UTS2: variants seen among roughly 807,000 people sequenced by gnomAD.
UTS2 encodes urotensin-2.
Under a neutral mutation model 12.6 loss-of-function variants are expected in UTS2, and 10 were observed. The ratio of observed to expected loss-of-function variants is 0.80; its 90% CI spans 0.49 to 1.35. The LOEUF (loss-of-function observed/expected upper bound fraction) is 1.35, where lower values mean the gene tolerates loss of function less well. Ranked by LOEUF, UTS2 falls within the 40% of genes most tolerant of loss-of-function variation. The pLI, the probability that UTS2 is intolerant of heterozygous loss-of-function variation, is 0.00. For missense variants in UTS2, 142 were observed against 143.2 expected, an observed-to-expected ratio of 0.99 and a Z score of 0.04; for synonymous variants, 52 against 50.0, an observed-to-expected ratio of 1.04 and a Z score of -0.17.
chr1:7,912,882 C>T, the UTS2 span, among the ~76,000 whole-genome samples: 1 of 152,142 alleles, frequency 6.6e-6, no homozygotes, highest in African/African-American at 2.4e-5. Flanking sequence ...CACGTACCCC[C>T]ATTTTTCTAA....
chr1:7,850,676 G>T, intron 2 of UTS2, 136 bp downstream of exon 2: 1 of 814,558 alleles, frequency 1.2e-6, no homozygotes, highest in Non-Finnish European at 2.0e-6. Context: ...CGGGAGGGGA[G>T]AGTGTTGGTA....
the UTS2 span, among the ~76,000 whole-genome samples, chr1:7,883,683 T>A: frequency 2.6e-5 from 4 of 152,222 alleles, no homozygotes; most frequent in African/African-American, 4.8e-5. Context: ...TATCAATTTT[T>A]AAAAATTTTT....
the UTS2 span, among the ~76,000 whole-genome samples, chr1:7,867,655 C>T: frequency 6.6e-6 from 1 of 151,950 alleles, no homozygotes; most frequent in Non-Finnish European, 1.5e-5. Flanking sequence ...GGCGAGTGGT[C>T]CCTTGAGGTC....
At chr1:7,902,187 G>T in the UTS2 span, among the ~76,000 whole-genome samples, 1 of 10,638 alleles carries the variant, frequency 9.4e-5, no homozygotes, top group South Asian at 5.6e-3. Flanking sequence ...TGGGCTCCAG[G>T]CTATCTCTGC....
rs1558503552 is a variant in UTS2 at position 7,847,885 on chromosome 1, A to AAAAC, written c.259-7_259-4dup. 7.6e-6 allele frequency: 12 copies of AAAAC among 1,589,266 alleles called. No individual in the cohort carries two copies. The East Asian group carries it at 2.7e-4, about 36-fold the overall frequency. ...TCTTGTCCAGAGAAATCCTGAAACTAAAACAATCCAAACGAACAACAACAA... is the reference window on the plus strand; with the variant it reads ...TCTTGTCCAGAGAAATCCTGAAACTAAAACAAACAATCCAAACGAACAACAACAA... On this transcript the variant is annotated splice_region_variant and splice_polypyrimidine_tract_variant and intron_variant, in intron 3 of 3. Transcript: ENST00000361696.
At chr1:7,908,427 C>T in the UTS2 span, among the ~76,000 whole-genome samples, 1 of 147,770 alleles carries the variant, frequency 6.8e-6, no homozygotes, top group Non-Finnish European at 1.5e-5. Context: ...GATTGCATCG[C>T]TCCGGCCTGG....
At chr1:7,896,852 T>C in the UTS2 span, among the ~76,000 whole-genome samples, 2 of 152,040 alleles carry the variant, frequency 1.3e-5, no homozygotes, top group Admixed American at 6.6e-5. Context: ...CGTGCCCCCA[T>C]GCCTGGCTAA....
chr1:7,898,099 T>A, the UTS2 span, among the ~76,000 whole-genome samples: 5 of 152,226 alleles, frequency 3.3e-5, no homozygotes, highest in Non-Finnish European at 5.9e-5. Context: ...AACCATGCCA[T>A]CTGCAAATAA....
At chr1:7,902,906 C>T in the UTS2 span, among the ~76,000 whole-genome samples, 2 of 152,062 alleles carry the variant, frequency 1.3e-5, no homozygotes, top group African/African-American at 4.8e-5. Flanking sequence ...CCTTTGATCC[C>T]GAGGGAGGCC....
chr1:7,886,567 C>G, the UTS2 span, among the ~76,000 whole-genome samples: 1 of 152,122 alleles, frequency 6.6e-6, no homozygotes, highest in South Asian at 2.1e-4. Flanking sequence ...ACCGATGGCT[C>G]ACAAAGGAGC....
chr1:7,848,731 G>A (rs2097410487), intron 3 of UTS2, among the ~76,000 whole-genome samples: 1 of 152,082 alleles, frequency 6.6e-6, no homozygotes, highest in Non-Finnish European at 1.5e-5. Flanking sequence ...TGTTGCCCAG[G>A]CTGGTCTTGA....
chr1:7,860,486 C>T, the UTS2 span, among the ~76,000 whole-genome samples: 3,402 of 152,228 alleles, frequency 0.022, 124 homozygotes, highest in African/African-American at 0.077. Context: ...CTCCGGAAGC[C>T]ACCGTAAGGA....
At chr1:7,864,054 C>T in the UTS2 span, among the ~76,000 whole-genome samples, 5 of 152,212 alleles carry the variant, frequency 3.3e-5, no homozygotes, top group East Asian at 1.9e-4. Flanking sequence ...GCACTTCCAC[C>T]GCCGTCTCCA....
At position 7,847,743 on chromosome 1, in the gene UTS2, GACTA is replaced by G. The variant is rs768472004; in HGVS notation, c.*19_*22del. 2 of 1,544,092 alleles carry G rather than the reference GACTA, an allele frequency of 1.3e-6. No individual in the cohort carries two copies. Among genetic ancestry groups the G allele is most frequent in the Admixed American group, 1.7e-5 (1 of 57,930 alleles). On this transcript the variant is annotated 3_prime_UTR_variant, in exon 4 of 4. Coordinates refer to ENST00000361696, the MANE Select transcript of UTS2 (RefSeq NM_006786.4). ...ATTCTAAGATGGGTGTTTCTGAGCT[GACTA>G]ACAGATGCTTATTTCACTTCAGACA...
the UTS2 span, among the ~76,000 whole-genome samples, chr1:7,877,600 C>A: frequency 3.0e-4 from 46 of 152,230 alleles, 1 homozygote; most frequent in African/African-American, 9.9e-4. Context: ...AAAGACTGGG[C>A]GCAGTGGCTC....
chr1:7,909,546 C>CAAAAAAAA, the UTS2 span, among the ~76,000 whole-genome samples: 1 of 104,210 alleles, frequency 9.6e-6, no homozygotes, highest in African/African-American at 3.7e-5. Flanking sequence ...GACTCTGTCT[C>CAAAAAAAA]AAAAAAAAAA....
chr1:7,889,162 G>A, the UTS2 span, among the ~76,000 whole-genome samples: 2 of 150,224 alleles, frequency 1.3e-5, no homozygotes, highest in African/African-American at 4.9e-5. Context: ...GGTGGCTCAT[G>A]CCTGCAATCC....
At chr1:7,896,014 G>A in the UTS2 span, among the ~76,000 whole-genome samples, 2 of 152,116 alleles carry the variant, frequency 1.3e-5, no homozygotes, top group African/African-American at 2.4e-5. Flanking sequence ...CTGTGTTTCT[G>A]TCATCAGACA....
At chr1:7,908,899 C>T in the UTS2 span, among the ~76,000 whole-genome samples, 1 of 151,846 alleles carries the variant, frequency 6.6e-6, no homozygotes, top group Non-Finnish European at 1.5e-5. Context: ...CTCCACCTCC[C>T]AGGTTCAAAC....
Sources: gnomAD v4.1 joint callset for allele counts (sites outside exome capture counted in the v4.1 genomes callset) on GRCh38, gnomAD v4.1.1 for gene constraint, MANE v1.5 for transcripts, NCBI Gene and HGNC (gene_info 2026-07-23, HGNC 2026-07-21) for gene names.